Variants in ATP8A1 observed in about 807,000 individuals in gnomAD.
ATP8A1 encodes ATPase phospholipid transporting 8A1, also known as phospholipid-transporting ATPase IA.
A neutral mutation model predicts 177.7 loss-of-function variants in ATP8A1; 90 were observed. The observed-to-expected ratio is 0.51, with a 90% CI of 0.43 to 0.60. The LOEUF is 0.60. Among genes scored for constraint, ATP8A1 ranks in the 20% least tolerant of loss-of-function variants. The probability of loss-of-function intolerance (pLI) is 0.00; values close to 1 mark genes in which losing one functional copy is unlikely to be tolerated. For synonymous variants in ATP8A1, 493 were observed against 485.9 expected (o/e 1.01, Z -0.19); for missense variants, 1,072 against 1,392.8 (o/e 0.77, Z 3.67).
intron 24 of ATP8A1, among the ~76,000 whole-genome samples, chr4:42,499,598 C>T (rs1723613450): frequency 6.6e-6 from 1 of 152,184 alleles, no homozygotes; most frequent in Non-Finnish European, 1.5e-5. Context: ...TGGTGAAATC[C>T]TGAGCTATCT....
intron 36 of ATP8A1, among the ~76,000 whole-genome samples, chr4:42,413,858 G>A (rs939750233): frequency 1.3e-5 from 2 of 152,306 alleles, no homozygotes; most frequent in South Asian, 2.1e-4. Context: ...ATTTAAAAAG[G>A]CGAGGAGGAG....
chr4:42,593,073 TAATATA>T (rs1734351637), intron 6 of ATP8A1, among the ~76,000 whole-genome samples: 1 of 152,126 alleles, frequency 6.6e-6, no homozygotes. Flanking sequence ...TAATCCATCT[TAATATA>T]AAAGATGTGA....
intron 22 of ATP8A1, among the ~76,000 whole-genome samples, chr4:42,511,682 T>C (rs187975600): frequency 6.6e-6 from 1 of 152,360 alleles, no homozygotes; most frequent in Admixed American, 6.5e-5. Context: ...GAAAGCTTCA[T>C]GTAGTTTGGT....
chr4:42,441,639 A>G (rs1384374198), intron 33 of ATP8A1, among the ~76,000 whole-genome samples: 1 of 152,126 alleles, frequency 6.6e-6, no homozygotes, highest in Non-Finnish European at 1.5e-5. Flanking sequence ...TGTGAGGCTC[A>G]TTTACACGCA....
chr4:42,612,733 GTTAAC>G (rs983596449), intron 5 of ATP8A1, among the ~76,000 whole-genome samples: 2 of 151,944 alleles, frequency 1.3e-5, no homozygotes, highest in Non-Finnish European at 2.9e-5. Context: ...CCCTGATTGA[GTTAAC>G]TTATCAGTGA....
chr4:42,446,080 C>CAAAAAAAAA (rs11311245), intron 31 of ATP8A1, among the ~76,000 whole-genome samples: 12 of 63,920 alleles, frequency 1.9e-4, no homozygotes, highest in East Asian at 1.0e-3. Flanking sequence ...AACGCCCTCT[C>CAAAAAAAAA]AAAAAAAAAA....
intron 25 of ATP8A1, among the ~76,000 whole-genome samples, chr4:42,474,373 C>A (rs1720821301): frequency 6.6e-6 from 1 of 152,126 alleles, no homozygotes; most frequent in Non-Finnish European, 1.5e-5. Flanking sequence ...TGAGACTGGG[C>A]TGGATGGAGC....
chr4:42,491,537 A>G (rs1244318715), intron 24 of ATP8A1, among the ~76,000 whole-genome samples: 2 of 152,242 alleles, frequency 1.3e-5, no homozygotes, highest in African/African-American at 4.8e-5. Flanking sequence ...ATAAACGTGC[A>G]GTCATAAAAA....
At chr4:42,632,669 T>C (rs1433850211) in intron 1 of ATP8A1, among the ~76,000 whole-genome samples, 1 of 152,220 alleles carries the variant, frequency 6.6e-6, no homozygotes, top group Admixed American at 6.5e-5. Context: ...ATAATTTTAT[T>C]TGTCAAGAAA....
intron 5 of ATP8A1, among the ~76,000 whole-genome samples, chr4:42,610,583 A>C (rs990992836): frequency 6.0e-5 from 3 of 49,894 alleles, no homozygotes; most frequent in African/African-American, 1.2e-4. Flanking sequence ...CTTTGTGTGC[A>C]AAAAAAAAAA....
At chr4:42,455,988 T>C (rs1488027267) in intron 27 of ATP8A1, among the ~76,000 whole-genome samples, 3 of 152,198 alleles carry the variant, frequency 2.0e-5, no homozygotes, top group African/African-American at 7.2e-5. Context: ...TTTAAAATTA[T>C]AAAAGTAACA....
At chr4:42,616,194 T>C in intron 4 of ATP8A1, 116 bp from the exon 5 acceptor site, 1 of 846,556 alleles carries the variant, frequency 1.2e-6, no homozygotes, top group Non-Finnish European at 1.9e-6. Context: ...TTATCATTTC[T>C]CATTCATGTC....
At chr4:42,604,825 A>G (rs1336756072) in intron 5 of ATP8A1, among the ~76,000 whole-genome samples, 1 of 152,248 alleles carries the variant, frequency 6.6e-6, no homozygotes, top group Non-Finnish European at 1.5e-5. Context: ...TAGCCATTAA[A>G]TGGAATGTTA....
chr4:42,627,169 T>C, intron 1 of ATP8A1, 60 bp from the exon 2 acceptor site: 1 of 1,219,594 alleles, frequency 8.2e-7, no homozygotes, highest in Non-Finnish European at 1.2e-6. Flanking sequence ...CAAAAACAGA[T>C]TTCATAACTA....
chr4:42,429,658 T>C (rs571970534), intron 33 of ATP8A1, among the ~76,000 whole-genome samples: 1 of 152,354 alleles, frequency 6.6e-6, no homozygotes, highest in African/African-American at 2.4e-5. Context: ...CAAATCTTAT[T>C]GGCTTGACTT....
intron 14 of ATP8A1, among the ~76,000 whole-genome samples, chr4:42,569,643 G>A (rs1731711266): frequency 6.6e-6 from 1 of 152,080 alleles, no homozygotes; most frequent in Admixed American, 6.5e-5. Flanking sequence ...CATTTTAGAA[G>A]TAACTTTGGC....
At chr4:42,447,077 C>G (rs1026202561) in intron 30 of ATP8A1, among the ~76,000 whole-genome samples, 1 of 152,210 alleles carries the variant, frequency 6.6e-6, no homozygotes, top group Non-Finnish European at 1.5e-5. Flanking sequence ...GGCCAAGGAA[C>G]ACCAGTATGG....
At chr4:42,493,068 G>A (rs190478933) in intron 24 of ATP8A1, among the ~76,000 whole-genome samples, 1 of 152,362 alleles carries the variant, frequency 6.6e-6, no homozygotes, top group African/African-American at 2.4e-5. Context: ...TTACCAGAGT[G>A]TAGAGAAAGC....
intron 35 of ATP8A1, among the ~76,000 whole-genome samples, chr4:42,421,116 A>G (rs1271648089): frequency 6.6e-6 from 1 of 152,052 alleles, no homozygotes; most frequent in Non-Finnish European, 1.5e-5. Context: ...GAACTGACAT[A>G]ATTAATTTAC....
Sources: gnomAD v4.1 joint callset for allele counts (sites outside exome capture counted in the v4.1 genomes callset) on GRCh38, gnomAD v4.1.1 for gene constraint, MANE v1.5 for transcripts, NCBI Gene and HGNC (gene_info 2026-07-23, HGNC 2026-07-21) for gene names.